Variants in SEMA6A observed in about 807,000 individuals in gnomAD.
SEMA6A encodes semaphorin 6A.
In SEMA6A, 25 loss-of-function variants were observed where a neutral mutation model predicts 96.8. The ratio of observed to expected loss-of-function variants is 0.26; its 90% CI spans 0.19 to 0.36. The LOEUF is 0.36. Among genes scored for constraint, SEMA6A ranks in the 10% least tolerant of loss-of-function variants. The pLI is 1.00. For missense variants in SEMA6A, 1,363 were observed against 1,323.1 expected, an observed-to-expected ratio of 1.03 and a Z score of -0.47; for synonymous variants, 612 against 518.0, an observed-to-expected ratio of 1.18 and a Z score of -2.46.
intron 1 of SEMA6A, among the ~76,000 whole-genome samples, chr5:116,571,549 C>A (rs1203413733): frequency 1.3e-5 from 2 of 152,140 alleles, no homozygotes; most frequent in Non-Finnish European, 2.9e-5. Flanking sequence ...TGCAAAGTGC[C>A]TCATTCAAGA....
chr5:116,521,229 C>A (rs1758933614), intron 1 of SEMA6A, among the ~76,000 whole-genome samples: 1 of 152,206 alleles, frequency 6.6e-6, no homozygotes, highest in South Asian at 2.1e-4. Flanking sequence ...CAAAGTGAAG[C>A]TCTGGTTGTG....
At chr5:116,499,897 C>T (rs972948045) in intron 3 of SEMA6A, among the ~76,000 whole-genome samples, 3 of 152,206 alleles carry the variant, frequency 2.0e-5, no homozygotes, top group African/African-American at 7.2e-5. Flanking sequence ...CTATGGTCCA[C>T]GCCCTGCTAA....
chr5:116,453,461 G>C (rs755343150), intron 18 of SEMA6A, among the ~76,000 whole-genome samples: 1 of 152,142 alleles, frequency 6.6e-6, no homozygotes, highest in Non-Finnish European at 1.5e-5. Flanking sequence ...AGGCAGAAAG[G>C]TGCTCAGTAA....
At chr5:116,557,321 C>T (rs1473494459) in intron 1 of SEMA6A, among the ~76,000 whole-genome samples, 1 of 152,224 alleles carries the variant, frequency 6.6e-6, no homozygotes, top group African/African-American at 2.4e-5. Context: ...AAGCGATTCT[C>T]GTGCCTCAGT....
Position 116,455,933 on chromosome 5 carries a change from G to GAATA in SEMA6A, c.1895-8126_1895-8123dup, listed in dbSNP as rs1754984431. Among the ~76,000 whole-genome samples the GAATA allele has an allele frequency of 2.6e-5, 4 of 152,246 alleles. 1 individual carries two copies. In the Middle Eastern group the frequency reaches 0.014, roughly 518 times the overall value. On this transcript the variant is annotated intron_variant, in intron 18 of 18. Transcript: ENST00000343348. ...CATTGTTGGAAGGACTAAATAGGTT[G>GAATA]AATAAATGAACACAAAGCAGTTGGC...
intron 18 of SEMA6A, among the ~76,000 whole-genome samples, chr5:116,457,540 T>A (rs1036922933): frequency 2.0e-5 from 3 of 152,076 alleles, no homozygotes; most frequent in South Asian, 2.1e-4. Flanking sequence ...GGAAAAAAAT[T>A]TATTACCCCA....
rs1754289154 is a variant in SEMA6A, at chr5:116,447,325, A to T, written c.2381T>A (p.Met794Lys). Residue 794 changes from methionine to lysine, a missense_variant, in exon 19 of 19, where the codon ATG (methionine) becomes AAG (lysine). By Grantham distance (95) the Met-to-Lys change is moderately conservative. Coordinates refer to ENST00000343348, the MANE Select transcript of SEMA6A (RefSeq NM_020796.5). ...INACTKDMPP[M>K]GSPVIPTDLP... ...GTCCGTGGGAATCACAGGGGAGCCC[A>T]TGGGGGGCATGTCCTTTGTGCAGGC... 4 of 1,613,750 alleles carry T rather than the reference A, an allele frequency of 2.5e-6. No individual in the cohort carries two copies. Among genetic ancestry groups the T allele is most frequent in the Middle Eastern group, 1.7e-4 (1 of 6,058 alleles).
intron 1 of SEMA6A, among the ~76,000 whole-genome samples, chr5:116,569,431 CAAAGGCCATAG>C (rs1242229047): frequency 2.0e-5 from 3 of 152,006 alleles, no homozygotes; most frequent in Non-Finnish European, 4.4e-5. Context: ...TGTGGGGCTG[CAAAGGCCATAG>C]GAAGGACTTT....
chr5:116,495,618 G>A, intron 5 of SEMA6A, 104 bp from the exon 6 acceptor site: 2 of 740,866 alleles, frequency 2.7e-6, no homozygotes, highest in Admixed American at 2.6e-5. Context: ...AGTGGAGGTG[G>A]CTGAGGACTT....
chr5:116,471,526 G>A (rs1372197153), intron 17 of SEMA6A: 10 of 152,106 alleles, frequency 6.6e-5, no homozygotes, highest in South Asian at 4.1e-4. Flanking sequence ...TGCTAAGTGC[G>A]GTTTTTTCCT....
intron 17 of SEMA6A, chr5:116,468,146 A>T (rs1755887128): frequency 5.8e-6 from 1 of 172,946 alleles, no homozygotes; most frequent in African/African-American, 2.4e-5. Context: ...TCCTTCTTTG[A>T]TATTCCCATG....
chr5:116,500,800 G>A (rs1479378989), intron 3 of SEMA6A, among the ~76,000 whole-genome samples: 1 of 152,142 alleles, frequency 6.6e-6, no homozygotes, highest in Non-Finnish European at 1.5e-5. Context: ...AAGGTCAGGA[G>A]TTTGAGACCA....
chr5:116,486,436 AGAC>A (rs1418698322), intron 10 of SEMA6A, among the ~76,000 whole-genome samples: 5 of 152,236 alleles, frequency 3.3e-5, no homozygotes, highest in Non-Finnish European at 7.3e-5. Flanking sequence ...TGGAAAAAGA[AGAC>A]AATATTATCT....
intron 1 of SEMA6A, among the ~76,000 whole-genome samples, chr5:116,520,158 C>G (rs1325837452): frequency 6.6e-6 from 1 of 152,008 alleles, no homozygotes; most frequent in African/African-American, 2.4e-5. Context: ...GCCTCATGGA[C>G]TTTCTGCTCT....
At position 116,522,009 on chromosome 5, in the gene SEMA6A, A is replaced by G. The variant is rs145483224; in HGVS notation, c.-38-17027T>C. On this transcript the variant is annotated intron_variant, in intron 1 of 18. Transcript: ENST00000343348. Reference sequence around the variant, plus strand: ...TCCAAATAGCTTTGGGTATTTTTAAATATCAGTGCATTCAGTACCCCAGTG... The same window carrying G: ...TCCAAATAGCTTTGGGTATTTTTAAGTATCAGTGCATTCAGTACCCCAGTG... Among the ~76,000 whole-genome samples, 42 of 152,316 alleles carry G rather than the reference A, an allele frequency of 2.8e-4. No homozygotes were observed. The East Asian group carries it at 8.1e-3, about 29-fold the overall frequency.
At chr5:116,452,444 T>C (rs958419078) in intron 18 of SEMA6A, among the ~76,000 whole-genome samples, 22 of 141,984 alleles carry the variant, frequency 1.5e-4, no homozygotes, top group African/African-American at 5.9e-4. Context: ...TTTCCTGAGG[T>C]GAGAGTTTTC....
At chr5:116,471,947 T>C (rs777032950) in intron 17 of SEMA6A, among the ~76,000 whole-genome samples, 1 of 152,172 alleles carries the variant, frequency 6.6e-6, no homozygotes, top group Non-Finnish European at 1.5e-5. Flanking sequence ...CTCCCTCCCT[T>C]ATTTACCTAT....
At chr5:116,479,357 A>G (rs569939926) in intron 12 of SEMA6A, among the ~76,000 whole-genome samples, 2 of 152,352 alleles carry the variant, frequency 1.3e-5, no homozygotes, top group African/African-American at 4.8e-5. Flanking sequence ...ATGGGGACCT[A>G]GTTGTCCTAA....
intron 1 of SEMA6A, among the ~76,000 whole-genome samples, chr5:116,572,956 G>C (rs778767934): frequency 6.6e-6 from 1 of 152,186 alleles, no homozygotes; most frequent in Non-Finnish European, 1.5e-5. Flanking sequence ...GCGAGGGAGC[G>C]GGAAAAACAG....
Sources: gnomAD v4.1 joint callset for allele counts (sites outside exome capture counted in the v4.1 genomes callset) on GRCh38, gnomAD v4.1.1 for gene constraint, MANE v1.5 for transcripts, NCBI Gene and HGNC (gene_info 2026-07-23, HGNC 2026-07-21) for gene names.